Variants in COL9A1 observed in about 807,000 individuals in gnomAD.
COL9A1 encodes collagen type IX alpha 1 chain.
In COL9A1, 104 loss-of-function variants were observed where a neutral mutation model predicts 142.6. The ratio of observed to expected loss-of-function variants is 0.73; its 90% CI spans 0.62 to 0.86. The LOEUF (loss-of-function observed/expected upper bound fraction) is 0.86. Among genes scored for constraint, COL9A1 ranks in the 40% least tolerant of loss-of-function variants. The pLI is 0.00. For missense variants in COL9A1, 1,210 were observed against 1,176.6 expected (o/e 1.03, Z -0.42); for synonymous variants, 466 against 396.0 (o/e 1.18, Z -2.10).
chr6:70,300,851 G>A (rs984739142), intron 2 of COL9A1, among the ~76,000 whole-genome samples: 1 of 152,202 alleles, frequency 6.6e-6, no homozygotes, highest in African/African-American at 2.4e-5. Context: ...GGATTCCAGT[G>A]AGATTCCAGA....
intron 20 of COL9A1, chr6:70,258,730 G>T (rs777326927): frequency 3.3e-5 from 5 of 152,042 alleles, no homozygotes; most frequent in Non-Finnish European, 7.4e-5. Context: ...CCACTCCATG[G>T]GTCTGAGTTC....
intron 21 of COL9A1, among the ~76,000 whole-genome samples, chr6:70,256,097 C>A (rs1771271966): frequency 6.6e-6 from 1 of 152,196 alleles, no homozygotes; most frequent in Admixed American, 6.5e-5. Context: ...ACAGTGCCAC[C>A]CCTGTACTTT....
In COL9A1 at chr6:70,300,219, G is replaced by A. The variant is rs755874467; in HGVS notation, c.167-44C>T. 5 of 1,611,584 alleles carry A rather than the reference G, an allele frequency of 3.1e-6. No homozygotes were observed. In the Admixed American group the frequency reaches 8.3e-5, roughly 27 times the overall value. ...AAATGAAAAGTCTAAAATGAGATTG[G>A]TTTTATTTCTTTCCACAACTTTCCC... On this transcript the variant is annotated intron_variant, in intron 3 of 37. Transcript: ENST00000357250.
intron 4 of COL9A1, 122 bp downstream of exon 4, chr6:70,299,921 A>T: frequency 1.0e-6 from 1 of 953,010 alleles, no homozygotes; most frequent in Non-Finnish European, 1.6e-6. Flanking sequence ...AAATTTCTTC[A>T]TCTTTAAATA....
chr6:70,295,188 A>G (rs781281592), intron 4 of COL9A1, among the ~76,000 whole-genome samples: 7 of 151,356 alleles, frequency 4.6e-5, no homozygotes, highest in Non-Finnish European at 2.9e-5. Context: ...AGGGAGTTCA[A>G]ATTATGATGT....
chr6:70,240,749 A>C lies in COL9A1; in HGVS notation c.2035-16T>G. 2 of 1,609,094 alleles carry C rather than the reference A, an allele frequency of 1.2e-6. No homozygotes were observed. The highest frequency in any genetic ancestry group is 1.7e-6 in the Non-Finnish European group (2 of 1,175,660). On this transcript the variant is annotated splice_polypyrimidine_tract_variant and intron_variant, in intron 31 of 37. Transcript: ENST00000357250. ...CAGAGGCACCCTAAAAATTAAGATA[A>C]AAGGTTACATTTTAAAATTCTTAGT...
chr6:70,252,357 T>A (rs770379745), intron 26 of COL9A1, 42 bp from the exon 27 acceptor site: 1 of 1,571,172 alleles, frequency 6.4e-7, no homozygotes, highest in South Asian at 1.1e-5. Context: ...CATGCTGAAG[T>A]AAGCATAATC....
chr6:70,274,185 G>GTTT, intron 11 of COL9A1, 103 bp from the exon 12 acceptor site: 30 of 693,264 alleles, frequency 4.3e-5, no homozygotes, highest in South Asian at 2.3e-4. Flanking sequence ...CCATTATGGT[G>GTTT]TTTTTTTTTT....
At chr6:70,259,386 T>A (rs1476516010) in intron 20 of COL9A1, among the ~76,000 whole-genome samples, 1 of 152,158 alleles carries the variant, frequency 6.6e-6, no homozygotes, top group African/African-American at 2.4e-5. Flanking sequence ...CCTTTTGTAT[T>A]TTCTGGAGCC....
At chr6:70,274,424 T>G (rs1263826755) in intron 11 of COL9A1, among the ~76,000 whole-genome samples, 1 of 152,080 alleles carries the variant, frequency 6.6e-6, no homozygotes, top group Admixed American at 6.6e-5. Context: ...CATGTGTTCT[T>G]TTTATTCAGC....
chr6:70,217,047 G>A lies in COL9A1; in HGVS notation c.2616C>T (p.Gly872=), dbSNP rs1222567824. The A allele has an allele frequency of 1.2e-6, 2 of 1,614,130 alleles. No homozygotes were observed. The highest frequency in any genetic ancestry group is 1.1e-5 in the South Asian group (1 of 91,084). Residue 872 remains glycine (G), a synonymous_variant, in exon 38 of 38, where the codon GGC becomes GGT. Transcript: ENST00000357250. ...DPGPASYGRN[G]RDGERGPPGV... The stretch of plus-strand genomic sequence containing the variant: ...CTGGGGGGCCTCGCTCACCGTCTCG[G>A]CCATTTCTGCCATAGCTGGCAGGGC...
chr6:70,297,901 G>C (rs1773905052), intron 4 of COL9A1, among the ~76,000 whole-genome samples: 1 of 151,690 alleles, frequency 6.6e-6, no homozygotes, highest in Non-Finnish European at 1.5e-5. Flanking sequence ...AAAAAAAATA[G>C]AAAAGATAAA....
intron 19 of COL9A1, 169 bp from the exon 20 acceptor site, chr6:70,260,879 G>A (rs915253976): frequency 4.9e-6 from 3 of 611,728 alleles, no homozygotes; most frequent in Admixed American, 3.1e-5. Context: ...AAAGTCCAAG[G>A]AGAATTCTTC....
intron 33 of COL9A1, among the ~76,000 whole-genome samples, chr6:70,235,475 A>ATAG (rs1263088660): frequency 2.0e-5 from 3 of 152,024 alleles, no homozygotes; most frequent in Non-Finnish European, 4.4e-5. Flanking sequence ...AATAATAATA[A>ATAG]TAATCTTTCT....
intron 37 of COL9A1, among the ~76,000 whole-genome samples, chr6:70,223,849 G>A (rs1027775505): frequency 1.3e-5 from 2 of 152,298 alleles, no homozygotes; most frequent in South Asian, 2.1e-4. Context: ...GAAGGTTACC[G>A]AGGTTGAGAC....
chr6:70,234,490 G>T, intron 35 of COL9A1, 49 bp downstream of exon 35: 1 of 1,584,726 alleles, frequency 6.3e-7, no homozygotes, highest in Non-Finnish European at 8.7e-7. Flanking sequence ...AAAATCTTAA[G>T]AAACAAGAGT....
intron 15 of COL9A1, 110 bp downstream of exon 15, chr6:70,270,204 G>T (rs1772304662): frequency 1.8e-6 from 2 of 1,117,508 alleles, no homozygotes; most frequent in Non-Finnish European, 1.4e-6. Flanking sequence ...AGCCGTTTTG[G>T]AAATTTGGGA....
chr6:70,263,987 G>A lies in COL9A1; in HGVS notation c.1342-690C>T, dbSNP rs142403000. On this transcript the variant is annotated intron_variant, in intron 18 of 37. Coordinates refer to ENST00000357250, the MANE Select transcript of COL9A1 (RefSeq NM_001851.6). ...ATCTTTTTTCTTTTTTCTTAGTAAC[G>A]GGCCACTCTTCCAATAATAGATTCT... 3.0e-3 allele frequency among the ~76,000 whole-genome samples: 456 copies of A among 151,220 alleles called. 1 individual carries two copies. Among genetic ancestry groups the A allele is most frequent in the African/African-American group, 0.01 (414 of 41,238 alleles).
chr6:70,259,382 G>A (rs1289079269), intron 20 of COL9A1, among the ~76,000 whole-genome samples: 1 of 152,150 alleles, frequency 6.6e-6, no homozygotes, highest in South Asian at 2.1e-4. Flanking sequence ...GATGCCTTTT[G>A]TATTTTCTGG....
Sources: allele counts gnomAD v4.1 joint callset (sites outside exome capture counted in the v4.1 genomes callset), GRCh38; gene constraint gnomAD v4.1.1; transcripts MANE v1.5; gene names NCBI Gene and HGNC (gene_info 2026-07-23, HGNC 2026-07-21).